The following TRAF3 variants were observed in gnomAD, a reference collection of about 807,000 sequenced individuals.
The protein encoded by TRAF3 is TNF receptor-associated factor 3.
TRAF3 carries 13 observed loss-of-function variants against 62.3 expected under a neutral mutation model. That is an observed-to-expected ratio of 0.21 (90% CI 0.14 to 0.33). The LOEUF (loss-of-function observed/expected upper bound fraction) is 0.33, where lower values mean the gene tolerates loss of function less well. Among genes scored for constraint, TRAF3 ranks in the 10% least tolerant of loss-of-function variants. The pLI is 1.00. For missense variants in TRAF3, 440 were observed against 741.8 expected (o/e 0.59, Z 4.73); for synonymous variants, 269 against 283.4 (o/e 0.95, Z 0.51).
intron 8 of TRAF3, among the ~76,000 whole-genome samples, chr14:102,890,878 C>T (rs1407233240): frequency 6.6e-6 from 1 of 152,214 alleles, no homozygotes; most frequent in East Asian, 1.9e-4. Flanking sequence ...TCCTGCTTTG[C>T]TTACGTGTTT....
At chr14:102,876,279 T>C (rs1487122984) in intron 5 of TRAF3, 79 bp from the exon 6 acceptor site, 66 of 1,506,046 alleles carry the variant, frequency 4.4e-5, no homozygotes, top group Non-Finnish European at 5.6e-5. Context: ...TAGGGTTTCA[T>C]TGCATAGAGA....
At chr14:102,876,858 A>T (rs1249197962) in intron 6 of TRAF3, among the ~76,000 whole-genome samples, 1 of 148,544 alleles carries the variant, frequency 6.7e-6, no homozygotes, top group African/African-American at 2.5e-5. Context: ...TTCATAGATA[A>T]TCCGTTCCAC....
At chr14:102,824,240 C>T (rs1900159782) in intron 1 of TRAF3, among the ~76,000 whole-genome samples, 1 of 152,126 alleles carries the variant, frequency 6.6e-6, no homozygotes, top group Non-Finnish European at 1.5e-5. Context: ...GACCTAGCGA[C>T]TTCTTGTGTC....
At chr14:102,877,650 C>G (rs1412497207) in intron 6 of TRAF3, among the ~76,000 whole-genome samples, 3 of 149,722 alleles carry the variant, frequency 2.0e-5, no homozygotes, top group Non-Finnish European at 3.0e-5. Context: ...TAATCCGTTC[C>G]ACAGGCCTTC....
intron 10 of TRAF3, among the ~76,000 whole-genome samples, chr14:102,899,135 G>A (rs1890149160): frequency 6.6e-6 from 1 of 152,242 alleles, no homozygotes; most frequent in Non-Finnish European, 1.5e-5. Flanking sequence ...TTGAGCAGGC[G>A]TGGTCTACAC....
rs116029181 is a variant in TRAF3 at position 102,887,146 on chromosome 14, G to A, written c.651+877G>A. ...TGGGAAAATTTCAAGGATTCTTAAT[G>A]TTTCTGCATCTGTCCTGACGGGGAG... On this transcript the variant is annotated intron_variant, in intron 7 of 11. Coordinates refer to ENST00000392745, the MANE Select transcript of TRAF3 (RefSeq NM_145725.3). Among the ~76,000 whole-genome samples the A allele has an allele frequency of 2.6e-3, 403 of 152,346 alleles. 1 individual carries two copies. Among genetic ancestry groups the A allele is most frequent in the African/African-American group, 9.3e-3 (387 of 41,586 alleles).
chr14:102,781,855 C>T (rs1392780704), intron 1 of TRAF3, among the ~76,000 whole-genome samples: 9 of 150,260 alleles, frequency 6.0e-5, no homozygotes, highest in South Asian at 2.1e-4. Context: ...TGCAGTGGCG[C>T]GATCTCAGCT....
At chr14:102,801,804 G>A (rs914394255) in intron 1 of TRAF3, among the ~76,000 whole-genome samples, 2 of 151,852 alleles carry the variant, frequency 1.3e-5, no homozygotes, top group Non-Finnish European at 2.9e-5. Context: ...AGATCACAAG[G>A]TCAGGAGATG....
intron 8 of TRAF3, among the ~76,000 whole-genome samples, chr14:102,890,608 A>G (rs932652697): frequency 6.6e-6 from 1 of 152,246 alleles, no homozygotes; most frequent in Non-Finnish European, 1.5e-5. Flanking sequence ...TTTGGAGATC[A>G]TTAAAATGCT....
In TRAF3 at chr14:102,833,238, A is replaced by G. The variant is rs181397841; in HGVS notation, c.-18+2766A>G. ...TCAGTACATGTTGGGTGAATGAATG[A>G]ATACTGGACACAGACGCTTTCCTTG... is the stretch of plus-strand genomic sequence containing the variant. On this transcript the variant is annotated intron_variant, in intron 2 of 11. Transcript: ENST00000392745. Among the ~76,000 whole-genome samples the G allele has an allele frequency of 6.6e-5, 10 of 152,342 alleles. No individual in the cohort carries two copies. In the East Asian group the frequency reaches 1.7e-3, roughly 26 times the overall value.
At chr14:102,837,121 TGTGTG>T (rs1566765566) in intron 2 of TRAF3, among the ~76,000 whole-genome samples, 9,793 of 141,642 alleles carry the variant, frequency 0.069, 1,067 homozygotes, top group African/African-American at 0.25. Flanking sequence ...AAGTAATTTG[TGTGTG>T]TGTGTGTGTG....
Position 102,871,923 on chromosome 14 carries a change from A to T in TRAF3, c.252A>T (p.Ser84=), listed in dbSNP as rs758248917. ...ESCMAALLSS[S]SPKCTACQES... ...CACTTGTGTTTCCCTGCAGCTCTTCAAGTCCAAAATGTACAGCGTGTCAAG... is the reference window on the plus strand; with the variant it reads ...CACTTGTGTTTCCCTGCAGCTCTTCTAGTCCAAAATGTACAGCGTGTCAAG... The change falls in exon 4 of 12, where the codon TCA becomes TCT. Residue 84 remains serine (S), a synonymous_variant. Coordinates refer to ENST00000392745, the MANE Select transcript of TRAF3 (RefSeq NM_145725.3). 6.2e-7 allele frequency: 1 copy of T among 1,614,216 alleles called. No individual in the cohort carries two copies. The highest frequency in any genetic ancestry group is 8.5e-7 in the Non-Finnish European group (1 of 1,180,032).
rs766645814 is a variant in TRAF3 at position 102,876,699 on chromosome 14, G to C, written c.570+174G>C. ...AGATATTCCGTTCCACAGGCCTTCCGCTCAATTCATAGATAATCCGTTCCA... is the reference window on the plus strand; with the variant it reads ...AGATATTCCGTTCCACAGGCCTTCCCCTCAATTCATAGATAATCCGTTCCA... On this transcript the variant is annotated intron_variant, in intron 6 of 11. Transcript: ENST00000392745. 33 of 828,532 alleles carry C rather than the reference G, an allele frequency of 4.0e-5. No individual in the cohort carries two copies. In the Admixed American group the frequency reaches 5.6e-4, roughly 14 times the overall value. 51.3% of individuals were successfully genotyped at this position (828,532 alleles called of 1,614,324 possible).
At chr14:102,786,577 C>T (rs1050278814) in intron 1 of TRAF3, among the ~76,000 whole-genome samples, 1 of 152,064 alleles carries the variant, frequency 6.6e-6, no homozygotes, top group African/African-American at 2.4e-5. Context: ...ATTCCAGCTA[C>T]TTGGGATGTT....
At chr14:102,853,188 A>G (rs1046047747) in intron 2 of TRAF3, among the ~76,000 whole-genome samples, 14 of 152,008 alleles carry the variant, frequency 9.2e-5, no homozygotes, top group African/African-American at 3.4e-4. Context: ...GGTGTGAGCC[A>G]TTGCACCTGG....
intron 2 of TRAF3, among the ~76,000 whole-genome samples, chr14:102,858,190 C>T (rs867404996): frequency 2.0e-5 from 3 of 151,214 alleles, no homozygotes; most frequent in Admixed American, 6.6e-5. Flanking sequence ...CTCACTCTGT[C>T]GCCCAGGCTG....
At position 102,909,409 on chromosome 14, in the gene TRAF3, C is replaced by T. The variant is rs1374909957; in HGVS notation, c.*3625C>T. On this transcript the variant is annotated 3_prime_UTR_variant, in exon 12 of 12. Transcript: ENST00000392745. Reference sequence around the variant, plus strand: ...CACCCCTTCCTCCCCAGAGCAGTCTCTGCCGAGGGACAGCACCTGTGTCCC... The same window carrying T: ...CACCCCTTCCTCCCCAGAGCAGTCTTTGCCGAGGGACAGCACCTGTGTCCC... 3 of 152,448 alleles carry T rather than the reference C, an allele frequency of 2.0e-5. No individual in the cohort carries two copies. Among genetic ancestry groups the T allele is most frequent in the Admixed American group, 6.5e-5 (1 of 15,298 alleles). The allele number at this position is 152,448 out of a possible 1,614,324, so 9.4% of individuals were successfully genotyped here.
At chr14:102,879,762 A>G (rs1888939327) in intron 6 of TRAF3, among the ~76,000 whole-genome samples, 3 of 152,036 alleles carry the variant, frequency 2.0e-5, no homozygotes, top group East Asian at 3.9e-4. Context: ...TCCTGTGTCC[A>G]TGTCTTTCTT....
intron 5 of TRAF3, among the ~76,000 whole-genome samples, chr14:102,875,966 G>A (rs1289310768): frequency 1.3e-5 from 2 of 152,130 alleles, no homozygotes; most frequent in Non-Finnish European, 2.9e-5. Context: ...TTAGAATAGA[G>A]AAAATCTGAA....
Sources: allele counts gnomAD v4.1 joint callset (sites outside exome capture counted in the v4.1 genomes callset), GRCh38; gene constraint gnomAD v4.1.1; transcripts MANE v1.5; gene names NCBI Gene and HGNC (gene_info 2026-07-23, HGNC 2026-07-21).